OPCML: variants seen among roughly 807,000 people sequenced by gnomAD.
OPCML encodes the protein opioid-binding protein/cell adhesion molecule.
OPCML carries 13 observed loss-of-function variants against 37.8 expected under a neutral mutation model. That is an observed-to-expected ratio of 0.34 (90% CI 0.22 to 0.55). OPCML has a LOEUF of 0.55. Among genes scored for constraint, OPCML ranks in the 20% least tolerant of loss-of-function variants. OPCML has a pLI of 0.91. For missense variants in OPCML, 341 were observed against 435.6 expected (o/e 0.78, Z 1.93); for synonymous variants, 176 against 168.8 (o/e 1.04, Z -0.33).
At chr11:132,563,343 CTA>C (rs1269787371) in intron 3 of OPCML, among the ~76,000 whole-genome samples, 3 of 151,766 alleles carry the variant, frequency 2.0e-5, no homozygotes, top group African/African-American at 7.3e-5. Flanking sequence ...AAATTTGCAT[CTA>C]TAAGTGTGAG....
Position 133,121,175 on chromosome 11 carries a change from G to A in OPCML, c.62-178165C>T, listed in dbSNP as rs142561165. On this transcript the variant is annotated intron_variant, in intron 1 of 7. Transcript: ENST00000524381. Reference sequence around the variant, plus strand: ...CTGAACTGATCAGCCCACCTTGGGCGCCCAAAGTGCTGAGATTACAGGCAT... The same window carrying A: ...CTGAACTGATCAGCCCACCTTGGGCACCCAAAGTGCTGAGATTACAGGCAT... Among the ~76,000 whole-genome samples, 543 of 152,184 alleles carry A rather than the reference G, an allele frequency of 3.6e-3. 1 individual carries two copies. The highest frequency in any genetic ancestry group is 0.012 in the African/African-American group (499 of 41,518).
intron 1 of OPCML, among the ~76,000 whole-genome samples, chr11:133,203,581 C>G (rs1457040349): frequency 1.3e-5 from 2 of 152,150 alleles, no homozygotes; most frequent in African/African-American, 4.8e-5. Context: ...AGAGGTAGAA[C>G]TAGAAGATAA....
chr11:132,717,060 A>C (rs1488005388), intron 2 of OPCML, among the ~76,000 whole-genome samples: 1 of 152,176 alleles, frequency 6.6e-6, no homozygotes, highest in Non-Finnish European at 1.5e-5. Context: ...GTATCATATA[A>C]TAATAAATAA....
At chr11:133,054,046 T>C (rs1160489386) in intron 1 of OPCML, among the ~76,000 whole-genome samples, 1 of 152,224 alleles carries the variant, frequency 6.6e-6, no homozygotes, top group Admixed American at 6.5e-5. Flanking sequence ...GATGTCATCT[T>C]TGATTCTTCT....
At chr11:132,794,943 C>G (rs1349210279) in intron 2 of OPCML, among the ~76,000 whole-genome samples, 1 of 148,584 alleles carries the variant, frequency 6.7e-6, no homozygotes, top group Non-Finnish European at 1.5e-5. Context: ...TACAGTGATG[C>G]CAGCTGAATG....
chr11:132,536,098 T>C (rs907235579), intron 3 of OPCML, among the ~76,000 whole-genome samples: 1 of 152,108 alleles, frequency 6.6e-6, no homozygotes, highest in African/African-American at 2.4e-5. Context: ...TTCTGTCTGG[T>C]CCTCTCCCAG....
At chr11:132,686,060 C>A (rs911634761) in intron 2 of OPCML, among the ~76,000 whole-genome samples, 2 of 152,192 alleles carry the variant, frequency 1.3e-5, no homozygotes, top group Non-Finnish European at 2.9e-5. Context: ...TCTGCCTCAC[C>A]TATAGAGCTG....
chr11:132,616,908 T>C (rs1008076077), intron 3 of OPCML, among the ~76,000 whole-genome samples: 6 of 152,278 alleles, frequency 3.9e-5, no homozygotes, highest in Non-Finnish European at 8.8e-5. Flanking sequence ...TGTGGATGTT[T>C]GCTCAATGGA....
At chr11:132,763,416 G>A (rs1361586887) in intron 2 of OPCML, among the ~76,000 whole-genome samples, 1 of 152,132 alleles carries the variant, frequency 6.6e-6, no homozygotes, top group Non-Finnish European at 1.5e-5. Context: ...AATTTCTTGA[G>A]GTTAACAGCT....
chr11:133,248,414 A>T (rs925345765), intron 1 of OPCML, among the ~76,000 whole-genome samples: 1 of 152,254 alleles, frequency 6.6e-6, no homozygotes, highest in Non-Finnish European at 1.5e-5. Context: ...GGTGGTGGGT[A>T]AACATTTGAA....
At chr11:133,042,039 C>T (rs1947908210) in intron 1 of OPCML, among the ~76,000 whole-genome samples, 1 of 152,148 alleles carries the variant, frequency 6.6e-6, no homozygotes, top group African/African-American at 2.4e-5. Flanking sequence ...CCGTGCAGAG[C>T]TGGGGGGTGG....
At chr11:133,003,957 C>T (rs1221010079) in intron 1 of OPCML, 20 of 985,294 alleles carry the variant, frequency 2.0e-5, no homozygotes, top group East Asian at 2.3e-4. Flanking sequence ...CACACTGTCC[C>T]GTGGGCAGCA....
At chr11:132,655,889 A>G (rs1941681875) in intron 3 of OPCML, among the ~76,000 whole-genome samples, 1 of 146,604 alleles carries the variant, frequency 6.8e-6, no homozygotes, top group Non-Finnish European at 1.5e-5. Flanking sequence ...TAAATCAGAG[A>G]TGAGGAATCT....
At chr11:132,965,394 C>G (rs1238506358) in intron 1 of OPCML, among the ~76,000 whole-genome samples, 1 of 152,062 alleles carries the variant, frequency 6.6e-6, no homozygotes, top group East Asian at 1.9e-4. Context: ...ACTAATTAAA[C>G]CTCTTGCCTA....
chr11:133,228,280 C>T (rs979301741), intron 1 of OPCML, among the ~76,000 whole-genome samples: 1 of 152,122 alleles, frequency 6.6e-6, no homozygotes, highest in Non-Finnish European at 1.5e-5. Flanking sequence ...AGGAGGTGAG[C>T]ATAGCAGGTG....
At chr11:132,849,199 G>C (rs550121486) in intron 2 of OPCML, among the ~76,000 whole-genome samples, 8 of 152,276 alleles carry the variant, frequency 5.3e-5, no homozygotes, top group Admixed American at 3.9e-4. Context: ...TCCATTTTAT[G>C]GACAAGGAAA....
intron 1 of OPCML, among the ~76,000 whole-genome samples, chr11:133,446,944 C>T (rs1287199131): frequency 1.3e-5 from 2 of 152,154 alleles, no homozygotes; most frequent in African/African-American, 4.8e-5. Flanking sequence ...AGATGATGAA[C>T]GTTTGCACTG....
chr11:133,388,124 C>T (rs979491620), intron 1 of OPCML, among the ~76,000 whole-genome samples: 13 of 152,188 alleles, frequency 8.5e-5, no homozygotes, highest in East Asian at 3.9e-4. Flanking sequence ...TGCCAGACTC[C>T]GCACCATGAA....
intron 1 of OPCML, chr11:133,007,598 G>T: frequency 1.0e-6 from 1 of 985,450 alleles, no homozygotes; most frequent in African/African-American, 1.7e-5. Context: ...AGAATTGCTT[G>T]TAGAAGCTGG....
Sources: gnomAD v4.1 joint callset for allele counts (sites outside exome capture counted in the v4.1 genomes callset) on GRCh38, gnomAD v4.1.1 for gene constraint, MANE v1.5 for transcripts, NCBI Gene and HGNC (gene_info 2026-07-23, HGNC 2026-07-21) for gene names.